SEC22C: variants seen among roughly 807,000 people sequenced by gnomAD.
SEC22C encodes the protein SEC22 homolog C, vesicle trafficking protein, also known as vesicle-trafficking protein SEC22c.
In SEC22C, 29 loss-of-function variants were observed where a neutral mutation model predicts 34.7. The ratio of observed to expected loss-of-function variants is 0.84; its 90% CI spans 0.62 to 1.14. The LOEUF is 1.14. Ranked by LOEUF, SEC22C falls within the 50% of genes most tolerant of loss-of-function variation. SEC22C has a pLI of 0.00. For missense variants in SEC22C, 337 were observed against 369.0 expected, an observed-to-expected ratio of 0.91 and a Z score of 0.71; for synonymous variants, 117 against 132.8, an observed-to-expected ratio of 0.88 and a Z score of 0.82.
upstream of SEC22C, among the ~76,000 whole-genome samples, chr3:42,584,060 T>A (rs1406990277): frequency 6.6e-6 from 1 of 152,194 alleles, no homozygotes; most frequent in Non-Finnish European, 1.5e-5. Context: ...TGGTCTATTG[T>A]GGGACTTCTC....
chr3:42,578,371 T>C (rs181945271), intron 1 of SEC22C, among the ~76,000 whole-genome samples: 1 of 152,202 alleles, frequency 6.6e-6, no homozygotes, highest in East Asian at 1.9e-4. Flanking sequence ...ATGACAAAAT[T>C]ATAGAAATGG....
chr3:42,555,360 A>G (rs1017600520), intron 6 of SEC22C, among the ~76,000 whole-genome samples: 2 of 151,058 alleles, frequency 1.3e-5, no homozygotes, highest in African/African-American at 4.9e-5. Flanking sequence ...AAAAAAAAAG[A>G]AAAAAAAAGT....
intron 1 of SEC22C, chr3:42,591,715 T>G: frequency 1.3e-6 from 1 of 768,428 alleles, no homozygotes; most frequent in Non-Finnish European, 2.3e-6. Context: ...AGCCCCTCTT[T>G]GAACTGAGGA....
At chr3:42,557,257 C>G (rs1702584647) in intron 5 of SEC22C, among the ~76,000 whole-genome samples, 1 of 152,046 alleles carries the variant, frequency 6.6e-6, no homozygotes, top group African/African-American at 2.4e-5. Context: ...GAGAATGAAC[C>G]TTTTGTCCTG....
intron 1 of SEC22C, among the ~76,000 whole-genome samples, chr3:42,576,655 G>A (rs1253207338): frequency 3.3e-5 from 5 of 151,676 alleles, no homozygotes; most frequent in Non-Finnish European, 2.9e-5. Context: ...GATATATCAT[G>A]TTTTATGGAT....
intron 1 of SEC22C, among the ~76,000 whole-genome samples, chr3:42,575,675 G>A (rs555282804): frequency 6.6e-6 from 1 of 152,254 alleles, no homozygotes; most frequent in South Asian, 2.1e-4. Flanking sequence ...AGTTATAGCT[G>A]GAGACTTCAA....
intron 1 of SEC22C, among the ~76,000 whole-genome samples, chr3:42,569,614 G>A (rs1224697995): frequency 6.6e-6 from 1 of 152,216 alleles, no homozygotes; most frequent in Non-Finnish European, 1.5e-5. Context: ...TGGTGACAAG[G>A]AAAGCAGAAG....
Position 42,549,065 on chromosome 3 carries a change from C to A in SEC22C, c.*4183G>T. 2 of 992,380 alleles carry A rather than the reference C, an allele frequency of 2.0e-6. No individual in the cohort carries two copies. Among genetic ancestry groups the A allele is most frequent in the Non-Finnish European group, 2.4e-6 (2 of 830,528 alleles). The allele number at this position is 992,380 out of a possible 1,614,324, so 61.5% of individuals were successfully genotyped here. A position where few individuals can be genotyped will look rare whatever the true frequency, so the allele number is the denominator to read the frequency against. On this transcript the variant is annotated 3_prime_UTR_variant, in exon 7 of 7. Coordinates refer to ENST00000264454, the MANE Select transcript of SEC22C (RefSeq NM_032970.4). ...CTCAGTGAAGAGCCTAGCCAGCTGA[C>A]GGTCAGCTGACTGGTGCACTCTTTC...
intron 1 of SEC22C, among the ~76,000 whole-genome samples, chr3:42,571,926 A>G (rs1419237253): frequency 6.6e-6 from 1 of 152,164 alleles, no homozygotes; most frequent in Non-Finnish European, 1.5e-5. Context: ...CCAGCTACTC[A>G]GGAGGCTGAG....
At chr3:42,567,761 T>C (rs562113324) in intron 2 of SEC22C, among the ~76,000 whole-genome samples, 1 of 152,288 alleles carries the variant, frequency 6.6e-6, no homozygotes, top group Non-Finnish European at 1.5e-5. Flanking sequence ...ACTCCCCTGC[T>C]CCTGTCACAT....
upstream of SEC22C, among the ~76,000 whole-genome samples, chr3:42,585,058 G>A (rs1704567392): frequency 6.6e-6 from 1 of 152,212 alleles, no homozygotes; most frequent in Admixed American, 6.5e-5. Context: ...GAACCTGGGA[G>A]GAGGAGGCTG....
In SEC22C at chr3:42,548,608, T is replaced by C. The variant is rs1176987472; in HGVS notation, c.*4640A>G. The C allele has an allele frequency of 6.2e-7, 1 of 1,613,400 alleles. No homozygotes were observed. The highest frequency in any genetic ancestry group is 1.3e-5 in the African/African-American group (1 of 74,866). On this transcript the variant is annotated 3_prime_UTR_variant, in exon 7 of 7. Coordinates refer to ENST00000264454, the MANE Select transcript of SEC22C (RefSeq NM_032970.4). ...GAGCTCTCCTCATTTGGGTCAGGGG[T>C]GGCTGGCTCACGAGGTTTGGTCCAA...
chr3:42,594,543 G>T, intron 1 of SEC22C: 5 of 1,568,184 alleles, frequency 3.2e-6, no homozygotes, highest in Non-Finnish European at 4.4e-6. Flanking sequence ...CTTCCATTTG[G>T]CTGTCGTGAG....
upstream of SEC22C, among the ~76,000 whole-genome samples, chr3:42,584,917 C>G (rs564894013): frequency 6.6e-6 from 1 of 152,070 alleles, no homozygotes; most frequent in Admixed American, 6.5e-5. Context: ...GGGTGGATCA[C>G]GAGGTCAGGG....
chr3:42,574,291 T>C (rs1395583253), intron 1 of SEC22C, among the ~76,000 whole-genome samples: 1 of 150,096 alleles, frequency 6.7e-6, no homozygotes, highest in Non-Finnish European at 1.5e-5. Flanking sequence ...GGCATGTGTC[T>C]GTAGTCCCAG....
rs1405595114 is a variant in SEC22C at position 42,550,105 on chromosome 3, GC to G, written c.*3142del. 2 of 985,354 alleles carry G rather than the reference GC, an allele frequency of 2.0e-6. No individual in the cohort carries two copies. Among genetic ancestry groups the G allele is most frequent in the African/African-American group, 3.5e-5 (2 of 57,242 alleles). The allele number at this position is 985,354 out of a possible 1,614,324, so 61.0% of individuals were successfully genotyped here. A position where few individuals can be genotyped will look rare whatever the true frequency, so the allele number is the denominator to read the frequency against. ...GGAAGGGGAAACCTTTTGGGCTCTG[GC>G]CCCGTGGTTGGGAAACCCTTCCTAA... On this transcript the variant is annotated 3_prime_UTR_variant, in exon 7 of 7. Transcript: ENST00000264454.
At chr3:42,557,143 A>G (rs1702578803) in intron 5 of SEC22C, among the ~76,000 whole-genome samples, 1 of 152,246 alleles carries the variant, frequency 6.6e-6, no homozygotes, top group South Asian at 2.1e-4. Context: ...CTAGTGACAT[A>G]TAATTCTTCG....
upstream of SEC22C, among the ~76,000 whole-genome samples, chr3:42,584,985 C>T (rs537952627): frequency 1.1e-4 from 16 of 152,112 alleles, no homozygotes; most frequent in East Asian, 3.9e-4. Flanking sequence ...AAAAATTAGC[C>T]GGGCGTGATG....
At chr3:42,558,484 T>C (rs527446421) in intron 4 of SEC22C, among the ~76,000 whole-genome samples, 1,017 of 74,142 alleles carry the variant, frequency 0.014, 25 homozygotes, top group African/African-American at 0.074. Flanking sequence ...CGACCTTGTC[T>C]CAAAAAAAAA....
Sources: gnomAD v4.1 joint callset for allele counts (sites outside exome capture counted in the v4.1 genomes callset) on GRCh38, gnomAD v4.1.1 for gene constraint, MANE v1.5 for transcripts, NCBI Gene and HGNC (gene_info 2026-07-23, HGNC 2026-07-21) for gene names.